Variants in SP140 observed in about 807,000 individuals in gnomAD.
SP140 encodes the protein nuclear body protein SP140.
A neutral mutation model predicts 125.0 loss-of-function variants in SP140; 81 were observed. The observed-to-expected ratio is 0.65, with a 90% CI of 0.54 to 0.78. The LOEUF (loss-of-function observed/expected upper bound fraction) is 0.78. Among genes scored for constraint, SP140 ranks in the 30% least tolerant of loss-of-function variants. The pLI is 0.00. For missense variants in SP140, 858 were observed against 1,037.0 expected, an observed-to-expected ratio of 0.83 and a Z score of 2.37; for synonymous variants, 312 against 354.0, an observed-to-expected ratio of 0.88 and a Z score of 1.33.
At chr2:230,243,842 C>G (rs2049037412) in intron 5 of SP140, 31 bp downstream of exon 5, 3 of 1,463,388 alleles carry the variant, frequency 2.1e-6, no homozygotes, top group Non-Finnish European at 1.9e-6. Context: ...TCTCCCTGAC[C>G]TGCAGGGTGT....
intron 1 of SP140, among the ~76,000 whole-genome samples, chr2:230,229,605 C>T (rs1453979470): frequency 6.6e-6 from 1 of 151,262 alleles, no homozygotes; most frequent in African/African-American, 2.4e-5. Context: ...GTAGCTGGGA[C>T]TACAGGCGCC....
intron 21 of SP140, among the ~76,000 whole-genome samples, chr2:230,294,947 G>A (rs1031827993): frequency 3.9e-5 from 6 of 152,232 alleles, no homozygotes; most frequent in Non-Finnish European, 5.9e-5. Flanking sequence ...TGAGGAGGAA[G>A]ATCTCCAGAG....
At chr2:230,297,965 C>A (rs1046300860) in intron 22 of SP140, among the ~76,000 whole-genome samples, 6 of 152,324 alleles carry the variant, frequency 3.9e-5, no homozygotes, top group African/African-American at 1.4e-4. Context: ...TTGATCCTGT[C>A]ATTAGCCCTG....
In SP140 at chr2:230,237,041, G is replaced by T; in HGVS notation, c.60-42G>T. 1 of 1,489,150 alleles carries T rather than the reference G, an allele frequency of 6.7e-7. No homozygotes were observed. The allele number at this position is 1,489,150 out of a possible 1,614,324, so 92.2% of individuals were successfully genotyped here. A position where few individuals can be genotyped will look rare whatever the true frequency, so the allele number is the denominator to read the frequency against. On this transcript the variant is annotated intron_variant, in intron 1 of 26. Transcript: ENST00000392045. This position sits in a 1 kb window ranked among gnomAD's most constrained non-coding sequence, Gnocchi z 5.4. ...TCTTCTAACCACCACAAACCTCTTG[G>T]AAACTCAGTGTCTACTTCCACGTTG... is the stretch of plus-strand genomic sequence containing the variant.
upstream of SP140, among the ~76,000 whole-genome samples, chr2:230,199,635 T>TTTAA (rs1446617835): frequency 1.3e-5 from 2 of 152,182 alleles, no homozygotes; most frequent in East Asian, 3.8e-4. Context: ...ATGTCTTTTA[T>TTTAA]GGCCTAGAAT....
chr2:230,202,441 T>C, upstream of SP140: 3 of 768,666 alleles, frequency 3.9e-6, no homozygotes, highest in Non-Finnish European at 6.4e-6. Flanking sequence ...TTTGTTCCTC[T>C]TGTTATACCC....
chr2:230,315,941 G>C (rs2059481008), downstream of SP140, among the ~76,000 whole-genome samples: 1 of 152,192 alleles, frequency 6.6e-6, no homozygotes, highest in South Asian at 2.1e-4. Context: ...CTTAGCAAGT[G>C]ATATGCAACT....
At chr2:230,307,983 A>G (rs1286013181) in intron 22 of SP140, among the ~76,000 whole-genome samples, 1 of 89,948 alleles carries the variant, frequency 1.1e-5, no homozygotes, top group South Asian at 4.9e-4. Context: ...ATATATATAT[A>G]TATATATACA....
chr2:230,304,393 G>GA (rs1306944058), intron 22 of SP140, among the ~76,000 whole-genome samples: 2 of 152,072 alleles, frequency 1.3e-5, no homozygotes, highest in Admixed American at 6.5e-5. Context: ...CACAGAACTA[G>GA]AAAAAACAAT....
At chr2:230,307,063 G>A (rs2058830993) in intron 22 of SP140, among the ~76,000 whole-genome samples, 2 of 152,218 alleles carry the variant, frequency 1.3e-5, no homozygotes, top group Admixed American at 1.3e-4. Context: ...CAGACTTGGA[G>A]AGAACATCCT....
At chr2:230,296,309 TC>T (rs2057724492) in intron 21 of SP140, among the ~76,000 whole-genome samples, 1 of 152,170 alleles carries the variant, frequency 6.6e-6, no homozygotes, top group Non-Finnish European at 1.5e-5. Flanking sequence ...GGTGGGAGAT[TC>T]TAGACCAGTT....
At chr2:230,207,126 T>G (rs1341545830) in intron 1 of SP140, among the ~76,000 whole-genome samples, 1 of 152,178 alleles carries the variant, frequency 6.6e-6, no homozygotes, top group Non-Finnish European at 1.5e-5. Flanking sequence ...TCTTTTCCAT[T>G]TTATCTCAAA....
chr2:230,266,431 A>G (rs35253977), intron 12 of SP140, among the ~76,000 whole-genome samples: 14,875 of 152,238 alleles, frequency 0.098, 1,127 homozygotes, highest in African/African-American at 0.2. Flanking sequence ...CTTAGGCCGT[A>G]TTTAAAACTT....
chr2:230,227,277 AGT>A, intron 1 of SP140, among the ~76,000 whole-genome samples: 1 of 152,224 alleles, frequency 6.6e-6, no homozygotes, highest in Middle Eastern at 3.2e-3. Flanking sequence ...ACTGGTTTTC[AGT>A]GCCCAGTGCC....
At position 230,308,724 on chromosome 2, in the gene SP140, G is replaced by A. The variant is rs559787036; in HGVS notation, c.2059-1200G>A. On this transcript the variant is annotated intron_variant, in intron 22 of 26. Transcript: ENST00000392045. The stretch of plus-strand genomic sequence containing the variant: ...AATGAAATCAGCTATTCAAAAATAC[G>A]CAGAAGGTGCAAGCGGTCCTCTTGA... 4.6e-4 allele frequency among the ~76,000 whole-genome samples: 70 copies of A among 152,332 alleles called. 1 individual carries two copies. The highest frequency in any genetic ancestry group is 1.4e-3 in the African/African-American group (59 of 41,582).
At chr2:230,221,612 C>T (rs2045827168), upstream of SP140, 2 of 1,249,516 alleles carry the variant, frequency 1.6e-6, no homozygotes, top group Admixed American at 2.0e-5. Flanking sequence ...GCATTGATGC[C>T]TCAGCATGCA....
chr2:230,229,456 CTTTTTTTTTTTTT>C (rs1163771237), intron 1 of SP140, among the ~76,000 whole-genome samples: 837 of 57,612 alleles, frequency 0.015, 23 homozygotes, highest in African/African-American at 0.047. Flanking sequence ...TGAAGAAATT[CTTTTTTTTTTTTT>C]TTTTTTTTTT....
chr2:230,284,155 C>T (rs1477298642), intron 15 of SP140, among the ~76,000 whole-genome samples, 191 bp from the exon 16 acceptor site: 1 of 152,172 alleles, frequency 6.6e-6, no homozygotes, highest in Non-Finnish European at 1.5e-5. Context: ...AAGCCCATGG[C>T]CCAAGGCTCA....
At chr2:230,188,747 T>C in the SP140 span, among the ~76,000 whole-genome samples, 2 of 152,178 alleles carry the variant, frequency 1.3e-5, no homozygotes, top group Admixed American at 1.3e-4. Flanking sequence ...AAATGATCTA[T>C]GGTTTTTAAT....
Sources: allele counts gnomAD v4.1 joint callset (sites outside exome capture counted in the v4.1 genomes callset), GRCh38; gene constraint gnomAD v4.1.1; non-coding constraint Gnocchi (gnomAD v3.1); transcripts MANE v1.5; gene names NCBI Gene and HGNC (gene_info 2026-07-23, HGNC 2026-07-21).